Variants in PPA2 observed in about 807,000 individuals in gnomAD.
The protein encoded by PPA2 is inorganic pyrophosphatase 2.
In PPA2, 48 loss-of-function variants were observed where a neutral mutation model predicts 49.5. That is an observed-to-expected ratio of 0.97 (90% confidence interval 0.77 to 1.23). PPA2 has a LOEUF of 1.23. PPA2 is among the 50% of genes most tolerant of loss of function. PPA2 has a pLI of 0.00. For synonymous variants in PPA2, 131 were observed against 139.9 expected (o/e 0.94, Z 0.45); for missense variants, 429 against 410.1 (o/e 1.05, Z -0.40).
rs116753360 is a variant in PPA2 at position 105,399,232 on chromosome 4, T to C, written c.656-68A>G. On this transcript the variant is annotated intron_variant, in intron 7 of 11. Transcript: ENST00000341695. The stretch of plus-strand genomic sequence containing the variant: ...ATTAATTCCCTTTAGTGGCAGAGCA[T>C]TGGACTGAGGGAGCCAGGAAACATG... 956 of 1,484,042 alleles carry C rather than the reference T, an allele frequency of 6.4e-4. 3 individuals carry two copies. In the African/African-American group the frequency reaches 0.01, roughly 16 times the overall value. The allele number at this position is 1,484,042 out of a possible 1,614,324, so 91.9% of individuals were successfully genotyped here. A position where few individuals can be genotyped will look rare whatever the true frequency, so the allele number is the denominator to read the frequency against.
intron 7 of PPA2, among the ~76,000 whole-genome samples, chr4:105,422,318 A>G (rs973256254): frequency 6.6e-6 from 1 of 152,202 alleles, no homozygotes; most frequent in Non-Finnish European, 1.5e-5. Flanking sequence ...CTCAAGTTCA[A>G]TAATTTCTTC....
At chr4:105,473,592 A>G in intron 1 of PPA2, 1 of 599,598 alleles carries the variant, frequency 1.7e-6, no homozygotes, top group Non-Finnish European at 3.1e-6. Flanking sequence ...GGCCGCTTGC[A>G]CTCTGCCTAC....
chr4:105,420,639 T>C (rs546386751), intron 7 of PPA2, among the ~76,000 whole-genome samples: 2 of 152,346 alleles, frequency 1.3e-5, no homozygotes, highest in African/African-American at 4.8e-5. Context: ...AAATCACTTA[T>C]TCCTTTGTAA....
intron 10 of PPA2, among the ~76,000 whole-genome samples, chr4:105,386,142 A>G (rs1733669996): frequency 6.6e-6 from 1 of 152,042 alleles, no homozygotes; most frequent in South Asian, 2.1e-4. Flanking sequence ...TGGCCTCCCA[A>G]AATGCTGGGA....
At chr4:105,403,614 A>G (rs771147728) in intron 7 of PPA2, among the ~76,000 whole-genome samples, 8 of 152,166 alleles carry the variant, frequency 5.3e-5, no homozygotes, top group Non-Finnish European at 8.8e-5. Flanking sequence ...GACAAATCTT[A>G]AGGTTCCATT....
chr4:105,430,626 G>A (rs1723753784), intron 6 of PPA2, among the ~76,000 whole-genome samples: 1 of 152,164 alleles, frequency 6.6e-6, no homozygotes. Flanking sequence ...AGGCAACAGA[G>A]TGTCAAGGTA....
chr4:105,472,071 G>C (rs1362280105), intron 1 of PPA2, among the ~76,000 whole-genome samples: 1 of 152,214 alleles, frequency 6.6e-6, no homozygotes, highest in Non-Finnish European at 1.5e-5. Context: ...TCTTAACAGA[G>C]ACTGTTAGAA....
chr4:105,431,153 T>C (rs969770507), intron 6 of PPA2, among the ~76,000 whole-genome samples: 2 of 152,202 alleles, frequency 1.3e-5, no homozygotes, highest in Non-Finnish European at 2.9e-5. Flanking sequence ...AATATGTTCA[T>C]TTTCTTATTT....
chr4:105,388,200 C>G (rs184610723), intron 9 of PPA2, among the ~76,000 whole-genome samples: 1 of 152,006 alleles, frequency 6.6e-6, no homozygotes, highest in African/African-American at 2.4e-5. Flanking sequence ...GACACACACA[C>G]TTACATGGAA....
chr4:105,424,758 C>T (rs970200714), intron 6 of PPA2, among the ~76,000 whole-genome samples: 2 of 151,932 alleles, frequency 1.3e-5, no homozygotes, highest in African/African-American at 2.4e-5. Flanking sequence ...AGGGATCTCA[C>T]TGAGGTTAAA....
chr4:105,419,259 A>G (rs754517817), intron 7 of PPA2, among the ~76,000 whole-genome samples: 4 of 152,124 alleles, frequency 2.6e-5, no homozygotes, highest in Non-Finnish European at 4.4e-5. Context: ...TGCGCCCATT[A>G]ACTCGTCATT....
intron 9 of PPA2, among the ~76,000 whole-genome samples, chr4:105,389,501 T>A (rs1265549576): frequency 6.7e-6 from 1 of 150,028 alleles, no homozygotes; most frequent in East Asian, 1.9e-4. Flanking sequence ...TATACTAAGA[T>A]ATTAAATATT....
At chr4:105,373,109 G>C (rs1056112802) in intron 10 of PPA2, among the ~76,000 whole-genome samples, 2 of 147,800 alleles carry the variant, frequency 1.4e-5, no homozygotes, top group Non-Finnish European at 3.0e-5. Context: ...AAAGTGCTAG[G>C]ATAACAGGCA....
chr4:105,453,612 T>C lies in PPA2; in HGVS notation c.253A>G (p.Asn85Asp), dbSNP rs1228780601. The change falls in exon 3 of 12, where the codon AAT (asparagine) becomes GAT (aspartate). Residue 85 changes from asparagine (N) to aspartate (D), a missense_variant. Physicochemically the swap from Asn to Asp is conservative, Grantham distance 23. Coordinates refer to ENST00000341695, the MANE Select transcript of PPA2 (RefSeq NM_176869.3). ...TTTGGATATACCTCATATTCATCAT[T>C]TCGTGCTTTCTTCATAGGAATGCCA... ...ENGIPMKKAR[N>D]DEYENLFNMI... The C allele has an allele frequency of 6.2e-7, 1 of 1,606,472 alleles. No individual in the cohort carries two copies. Among genetic ancestry groups the C allele is most frequent in the African/African-American group, 1.3e-5 (1 of 74,718 alleles).
chr4:105,457,062 T>C (rs1722902741), intron 1 of PPA2, among the ~76,000 whole-genome samples: 1 of 152,152 alleles, frequency 6.6e-6, no homozygotes. Flanking sequence ...AACATCACTT[T>C]TGAAAAAGAA....
At chr4:105,458,818 C>CAAAAA (rs57073135) in intron 1 of PPA2, among the ~76,000 whole-genome samples, 1 of 31,510 alleles carries the variant, frequency 3.2e-5, no homozygotes, top group African/African-American at 8.0e-5. Context: ...ACTCCACCTC[C>CAAAAA]AAAAAAAAAA....
intron 6 of PPA2, among the ~76,000 whole-genome samples, chr4:105,427,363 A>C (rs1194976205): frequency 6.6e-6 from 1 of 152,168 alleles, no homozygotes; most frequent in Non-Finnish European, 1.5e-5. Flanking sequence ...TGAGTTGACA[A>C]AAGTAGGCTT....
At chr4:105,438,082 A>G (rs143660369) in intron 5 of PPA2, 46 bp from the exon 6 acceptor site, 64 of 1,271,044 alleles carry the variant, frequency 5.0e-5, no homozygotes, top group Middle Eastern at 2.1e-4. Context: ...AGTTAATACT[A>G]TAATGTACTT....
At chr4:105,420,544 G>T (rs554220390) in intron 7 of PPA2, among the ~76,000 whole-genome samples, 1 of 152,206 alleles carries the variant, frequency 6.6e-6, no homozygotes, top group South Asian at 2.1e-4. Context: ...CCTCTCCTAA[G>T]TGTTTTTAAA....
Sources: gnomAD v4.1 joint callset for allele counts (sites outside exome capture counted in the v4.1 genomes callset) on GRCh38, gnomAD v4.1.1 for gene constraint, MANE v1.5 for transcripts, NCBI Gene and HGNC (gene_info 2026-07-23, HGNC 2026-07-21) for gene names.